MEIS2: variants seen among roughly 807,000 people sequenced by gnomAD.
MEIS2 encodes Meis homeobox 2.
MEIS2 carries 9 observed loss-of-function variants against 58.6 expected under a neutral mutation model. The observed-to-expected ratio is 0.15, with a 90% CI of 0.09 to 0.27. The LOEUF (loss-of-function observed/expected upper bound fraction) is 0.27, where lower values mean the gene tolerates loss of function less well. MEIS2 is among the 10% of genes least tolerant of loss of function. The pLI is 1.00. For missense variants in MEIS2, 427 were observed against 635.0 expected (o/e 0.67, Z 3.52); for synonymous variants, 221 against 228.4 (o/e 0.97, Z 0.29).
In MEIS2 at chr15:36,900,406, A is replaced by C. The variant is rs554496087; in HGVS notation, c.978-3720T>G. On this transcript the variant is annotated intron_variant, in intron 9 of 11. Transcript: ENST00000561208. ...ACAAAGTTAGTATCCAGGCCCATACAAAAGCTTGGGAGAGTATCTACTAAG... is the reference window on the plus strand; with the variant it reads ...ACAAAGTTAGTATCCAGGCCCATACCAAAGCTTGGGAGAGTATCTACTAAG... Among the ~76,000 whole-genome samples, 32 of 152,318 alleles carry C rather than the reference A, an allele frequency of 2.1e-4. No homozygotes were observed. The East Asian group carries it at 5.8e-3, about 28-fold the overall frequency.
chr15:37,095,735 CAAGA>C, intron 3 of MEIS2, 121 bp from the exon 4 acceptor site: 1 of 1,406,870 alleles, frequency 7.1e-7, no homozygotes, highest in Non-Finnish European at 9.8e-7. Context: ...TGGCAAAATA[CAAGA>C]AAGAAACTGG....
At chr15:37,061,641 T>C (rs1381549953) in intron 7 of MEIS2, among the ~76,000 whole-genome samples, 1 of 152,146 alleles carries the variant, frequency 6.6e-6, no homozygotes, top group African/African-American at 2.4e-5. Flanking sequence ...AATCTTTCAA[T>C]ACTTGCCTTT....
rs143034852 is a variant in MEIS2, at chr15:37,053,908, T to C, written c.755-16949A>G. ...TGGATAAAAATGCCTCATATCTATA[T>C]AATAATTTTTCAGCTGTCAAATAAT... On this transcript the variant is annotated intron_variant, in intron 7 of 11. Transcript: ENST00000561208. 1.4e-3 allele frequency among the ~76,000 whole-genome samples: 207 copies of C among 152,326 alleles called. 1 individual carries two copies. Among genetic ancestry groups the C allele is most frequent in the African/African-American group, 4.3e-3 (178 of 41,578 alleles).
intron 7 of MEIS2, among the ~76,000 whole-genome samples, chr15:37,078,092 G>A (rs1891660412): frequency 6.6e-6 from 1 of 152,036 alleles, no homozygotes; most frequent in Admixed American, 6.6e-5. Context: ...TCTGTCTTTA[G>A]TGCAGCTATT....
chr15:37,045,284 G>A (rs1596000586), intron 7 of MEIS2, among the ~76,000 whole-genome samples: 1 of 152,096 alleles, frequency 6.6e-6, no homozygotes, highest in African/African-American at 2.4e-5. Flanking sequence ...TGCAACACAC[G>A]GTATTTTATG....
intron 9 of MEIS2, 71 bp downstream of exon 9, chr15:36,950,253 A>AT: frequency 7.9e-7 from 1 of 1,262,094 alleles, no homozygotes; most frequent in Non-Finnish European, 1.1e-6. Flanking sequence ...AAAAAAAAAA[A>AT]GAGAGAAAAC....
At chr15:36,942,416 G>A (rs967185273) in intron 9 of MEIS2, among the ~76,000 whole-genome samples, 8 of 152,198 alleles carry the variant, frequency 5.3e-5, no homozygotes, top group East Asian at 1.9e-4. Context: ...TCTGAGTGTC[G>A]CGAATTGGGC....
intron 8 of MEIS2, among the ~76,000 whole-genome samples, chr15:36,986,661 G>A (rs1446099559): frequency 3.3e-5 from 5 of 152,190 alleles, no homozygotes; most frequent in Non-Finnish European, 7.4e-5. Context: ...CTTTCTCAGA[G>A]GACCGAGTCC....
chr15:37,089,307 C>T (rs887589519), intron 6 of MEIS2, among the ~76,000 whole-genome samples: 2 of 152,016 alleles, frequency 1.3e-5, no homozygotes, highest in Non-Finnish European at 2.9e-5. Context: ...ATAGAACAAC[C>T]ACTTGAACCT....
At chr15:37,011,431 T>G (rs1259367930) in intron 8 of MEIS2, among the ~76,000 whole-genome samples, 1 of 152,112 alleles carries the variant, frequency 6.6e-6, no homozygotes, top group African/African-American at 2.4e-5. Context: ...AAGATACAAA[T>G]GTATATAGAT....
chr15:37,037,480 C>T (rs1241137761), intron 7 of MEIS2, among the ~76,000 whole-genome samples: 7 of 152,038 alleles, frequency 4.6e-5, no homozygotes, highest in Non-Finnish European at 8.8e-5. Flanking sequence ...TATGACCCTG[C>T]ACTCGGCATT....
rs1567126001 is a variant in MEIS2, at chr15:36,971,536, T to TAAAAAA, written c.901-21137_901-21136insTTTTTT. On this transcript the variant is annotated intron_variant, in intron 8 of 11. Coordinates refer to ENST00000561208, the MANE Select transcript of MEIS2 (RefSeq NM_170675.5). ...TGTATTACTTGTATGCCTTGTTACA[T>TAAAAAA]TAAAAAAAAAAAAAAAAAAAAAAAA... Among the ~76,000 whole-genome samples the TAAAAAA allele has an allele frequency of 4.6e-3, 298 of 65,386 alleles. 61 individuals carry two copies. Among genetic ancestry groups the TAAAAAA allele is most frequent in the East Asian group, 7.6e-3 (20 of 2,618 alleles). 42.9% of individuals were successfully genotyped at this position (65,386 alleles called of 152,430 possible).
At chr15:37,051,900 G>C (rs749583549) in intron 7 of MEIS2, among the ~76,000 whole-genome samples, 1 of 151,812 alleles carries the variant, frequency 6.6e-6, no homozygotes, top group Non-Finnish European at 1.5e-5. Flanking sequence ...GAATGCACTT[G>C]GCAGATTTTA....
chr15:37,015,400 G>T (rs571850507), intron 8 of MEIS2, among the ~76,000 whole-genome samples: 1 of 152,242 alleles, frequency 6.6e-6, no homozygotes, highest in South Asian at 2.1e-4. Context: ...TCATAAAACT[G>T]TAGATAATTA....
At chr15:37,088,300 C>T (rs182428958) in intron 6 of MEIS2, among the ~76,000 whole-genome samples, 15 of 152,140 alleles carry the variant, frequency 9.9e-5, no homozygotes, top group Admixed American at 7.9e-4. Context: ...AGTAAACATA[C>T]ATAAAGATAT....
chr15:36,900,652 T>C (rs551623307), intron 9 of MEIS2, among the ~76,000 whole-genome samples: 149 of 152,324 alleles, frequency 9.8e-4, no homozygotes, highest in Non-Finnish European at 1.9e-3. Flanking sequence ...TGTAATCTCA[T>C]CTTACTGCCT....
At chr15:37,079,979 A>G (rs529371200) in intron 7 of MEIS2, among the ~76,000 whole-genome samples, 2 of 152,188 alleles carry the variant, frequency 1.3e-5, no homozygotes, top group Non-Finnish European at 2.9e-5. Context: ...GCCTATTCAC[A>G]GTGCAGGGAT....
In MEIS2 at chr15:36,919,278, T is replaced by G. The variant is rs565867175; in HGVS notation, c.978-22592A>C. Among the ~76,000 whole-genome samples, 5 of 152,262 alleles carry G rather than the reference T, an allele frequency of 3.3e-5. No individual in the cohort carries two copies. In the East Asian group the frequency reaches 7.7e-4, roughly 24 times the overall value. ...GTACAAATATTATCAATGTTTTATG[T>G]ACTTAAGAAATTTTGGAGGGACAGG... On this transcript the variant is annotated intron_variant, in intron 9 of 11. Transcript: ENST00000561208.
At chr15:37,039,416 C>CT (rs1004698383) in intron 7 of MEIS2, among the ~76,000 whole-genome samples, 11 of 152,146 alleles carry the variant, frequency 7.2e-5, no homozygotes, top group Middle Eastern at 3.4e-3. Flanking sequence ...TCTCATTTAG[C>CT]TTTTTTTGAT....
Sources: gnomAD v4.1 joint callset for allele counts (sites outside exome capture counted in the v4.1 genomes callset) on GRCh38, gnomAD v4.1.1 for gene constraint, MANE v1.5 for transcripts, NCBI Gene and HGNC (gene_info 2026-07-23, HGNC 2026-07-21) for gene names.